Variants in AKAP7 observed in about 807,000 individuals in gnomAD.
AKAP7 encodes A kinase (PRKA) anchor protein 7.
Under a neutral mutation model 39.5 loss-of-function variants are expected in AKAP7, and 39 were observed. The observed-to-expected ratio is 0.99, with a 90% CI of 0.76 to 1.29. The LOEUF (loss-of-function observed/expected upper bound fraction) is 1.29. Ranked by LOEUF, AKAP7 falls within the 50% of genes most tolerant of loss-of-function variation. The pLI, the probability that AKAP7 is intolerant of heterozygous loss-of-function variation, is 0.00. For missense variants in AKAP7, 414 were observed against 407.7 expected (o/e 1.02, Z -0.13); for synonymous variants, 140 against 139.1 (o/e 1.01, Z -0.05).
At chr6:131,218,274 A>G (rs945953504) in intron 6 of AKAP7, among the ~76,000 whole-genome samples, 2 of 152,226 alleles carry the variant, frequency 1.3e-5, no homozygotes, top group African/African-American at 4.8e-5. Context: ...TGAGACTTTC[A>G]TGCAATGAAG....
intron 7 of AKAP7, among the ~76,000 whole-genome samples, chr6:131,246,910 A>G (rs941102143): frequency 6.6e-6 from 1 of 152,126 alleles, no homozygotes; most frequent in Non-Finnish European, 1.5e-5. Context: ...TCTGGATCAA[A>G]TGCTTAGGGT....
intron 1 of AKAP7, among the ~76,000 whole-genome samples, chr6:131,136,033 C>T (rs1800510342): frequency 6.6e-6 from 1 of 152,220 alleles, no homozygotes. Flanking sequence ...ATGAGCCCAT[C>T]CCCGAGTTTC....
intron 6 of AKAP7, among the ~76,000 whole-genome samples, chr6:131,208,085 A>G (rs921051330): frequency 1.3e-5 from 2 of 152,210 alleles, no homozygotes; most frequent in African/African-American, 4.8e-5. Context: ...AAATTCAGTG[A>G]ATTCTCATGA....
intron 5 of AKAP7, among the ~76,000 whole-genome samples, chr6:131,181,375 C>T (rs958846978): frequency 1.3e-5 from 2 of 152,306 alleles, no homozygotes; most frequent in Admixed American, 6.5e-5. Flanking sequence ...TGTAAATTTT[C>T]TGTCTTAAAT....
In AKAP7 at chr6:131,160,105, A is replaced by G; in HGVS notation, c.198A>G (p.Glu66=). ...QINLKRSQEN[E]WVKSDQVKKR... ...ATTTGAAGAGAAGTCAAGAAAATGA[A>G]TGGGTCAAGAGTGATCAAGTAAAGA... Residue 66 remains glutamate, a synonymous_variant, in exon 3 of 8, where the codon GAA becomes GAG. Coordinates refer to ENST00000431975, the MANE Select transcript of AKAP7 (RefSeq NM_016377.4). The G allele has an allele frequency of 1.3e-6, 2 of 1,592,216 alleles. No individual in the cohort carries two copies. The highest frequency in any genetic ancestry group is 1.7e-6 in the Non-Finnish European group (2 of 1,173,714).
At chr6:131,249,505 T>C (rs1812277278) in intron 7 of AKAP7, among the ~76,000 whole-genome samples, 1 of 152,132 alleles carries the variant, frequency 6.6e-6, no homozygotes, top group Non-Finnish European at 1.5e-5. Context: ...TTCTAATCCA[T>C]GGGAAATAGG....
chr6:131,184,766 G>A, intron 5 of AKAP7: 7 of 1,146,286 alleles, frequency 6.1e-6, no homozygotes, highest in Non-Finnish European at 9.3e-6. Context: ...GTGGGTGGTT[G>A]GGAGTCTTCT....
chr6:131,271,204 C>A (rs889473802), intron 7 of AKAP7, among the ~76,000 whole-genome samples: 1 of 152,034 alleles, frequency 6.6e-6, no homozygotes, highest in Non-Finnish European at 1.5e-5. Context: ...ACAAAGCTCT[C>A]GTATTAGGTC....
intron 1 of AKAP7, among the ~76,000 whole-genome samples, chr6:131,143,273 C>A (rs565518704): frequency 6.6e-6 from 1 of 152,036 alleles, no homozygotes. Context: ...GAGATGTAAT[C>A]CCCAATGTTG....
intron 2 of AKAP7, among the ~76,000 whole-genome samples, chr6:131,157,903 T>A (rs1802566956): frequency 6.6e-6 from 1 of 152,224 alleles, no homozygotes; most frequent in South Asian, 2.1e-4. Context: ...TAATTCATAA[T>A]GATATGGTCA....
chr6:131,161,488 T>C (rs1277226878), intron 3 of AKAP7, among the ~76,000 whole-genome samples: 3 of 150,668 alleles, frequency 2.0e-5, no homozygotes, highest in African/African-American at 7.3e-5. Flanking sequence ...TTACTAAATA[T>C]ACAAAAACTA....
At chr6:131,255,504 A>G (rs2128322264) in intron 7 of AKAP7, among the ~76,000 whole-genome samples, 1 of 152,326 alleles carries the variant, frequency 6.6e-6, no homozygotes, top group Non-Finnish European at 1.5e-5. Context: ...GGACAGTGAC[A>G]CTTTATTTTT....
the AKAP7 span, among the ~76,000 whole-genome samples, chr6:131,126,665 T>A: frequency 6.6e-6 from 1 of 152,266 alleles, no homozygotes; most frequent in Non-Finnish European, 1.5e-5. Context: ...CAGCATACAT[T>A]AATATACTTA....
At chr6:131,273,936 TTTTC>T (rs1180581627) in intron 7 of AKAP7, among the ~76,000 whole-genome samples, 4 of 150,766 alleles carry the variant, frequency 2.7e-5, no homozygotes, top group African/African-American at 7.3e-5. Flanking sequence ...CTGTGTTGCC[TTTTC>T]TTTTTTTTTT....
chr6:131,166,826 T>G (rs1398556345), intron 4 of AKAP7, among the ~76,000 whole-genome samples: 1 of 152,214 alleles, frequency 6.6e-6, no homozygotes, highest in African/African-American at 2.4e-5. Flanking sequence ...TCCTATACTG[T>G]ATGTTAGACA....
chr6:131,166,590 G>A (rs1803521011), intron 4 of AKAP7, among the ~76,000 whole-genome samples: 1 of 152,168 alleles, frequency 6.6e-6, no homozygotes, highest in East Asian at 1.9e-4. Context: ...TCAGTCTGGG[G>A]ACAGAATTCC....
upstream of AKAP7, among the ~76,000 whole-genome samples, chr6:131,133,976 T>C (rs7750351): frequency 1.7e-3 from 264 of 152,238 alleles, no homozygotes; most frequent in African/African-American, 6.1e-3. Flanking sequence ...GCTTTGTTGT[T>C]TGTTTGTTTG....
intron 2 of AKAP7, among the ~76,000 whole-genome samples, chr6:131,154,864 G>C (rs1802280282): frequency 6.6e-6 from 1 of 151,958 alleles, no homozygotes; most frequent in Admixed American, 6.6e-5. Flanking sequence ...TTGGGTATGT[G>C]TATGTGTGTG....
intron 7 of AKAP7, among the ~76,000 whole-genome samples, chr6:131,276,466 G>A (rs1814752522): frequency 6.6e-6 from 1 of 152,012 alleles, no homozygotes; most frequent in South Asian, 2.1e-4. Flanking sequence ...AGGCAGCCGA[G>A]TATGCCATCC....
Sources: gnomAD v4.1 joint callset for allele counts (sites outside exome capture counted in the v4.1 genomes callset) on GRCh38, gnomAD v4.1.1 for gene constraint, MANE v1.5 for transcripts, NCBI Gene and HGNC (gene_info 2026-07-23, HGNC 2026-07-21) for gene names.